The following RELN variants were observed in gnomAD, a reference collection of about 807,000 sequenced individuals.
RELN encodes the protein reelin.
A neutral mutation model predicts 427.6 loss-of-function variants in RELN; 108 were observed. The observed-to-expected ratio is 0.25, with a 90% CI of 0.22 to 0.30. The LOEUF (loss-of-function observed/expected upper bound fraction) is 0.30, where lower values mean the gene tolerates loss of function less well. Ranked by LOEUF, RELN falls within the 10% of genes least tolerant of loss-of-function variation. The pLI is 1.00. For synonymous variants in RELN, 1,524 were observed against 1,513.4 expected (o/e 1.01, Z -0.16); for missense variants, 3,715 against 4,302.8 (o/e 0.86, Z 3.82).
chr7:103,795,864 G>A (rs1267882212), intron 3 of RELN, among the ~76,000 whole-genome samples: 2 of 152,074 alleles, frequency 1.3e-5, no homozygotes, highest in African/African-American at 2.4e-5. Context: ...ACACAGCTAG[G>A]GCTCTTGTAA....
At chr7:103,850,585 C>A (rs191063935) in intron 2 of RELN, among the ~76,000 whole-genome samples, 10 of 152,060 alleles carry the variant, frequency 6.6e-5, no homozygotes, top group Non-Finnish European at 4.4e-5. Flanking sequence ...TTGAATGGGG[C>A]GAGAAGCCTC....
Position 103,472,393 on chromosome 7 carries a change from C to A in RELN, c.*419G>T. ...AAAGGACAAACAATGATAATTTAATCATATAAAACATGAGACATAGCCGAA... is the reference window on the plus strand; with the variant it reads ...AAAGGACAAACAATGATAATTTAATAATATAAAACATGAGACATAGCCGAA... On this transcript the variant is annotated 3_prime_UTR_variant, in exon 65 of 65. Transcript: ENST00000428762. 1 of 220,558 alleles carries A rather than the reference C, an allele frequency of 4.5e-6. No homozygotes were observed. Among genetic ancestry groups the A allele is most frequent in the Non-Finnish European group, 9.2e-6 (1 of 109,176 alleles). The allele number at this position is 220,558 out of a possible 1,614,324, so 13.7% of individuals were successfully genotyped here. A position where few individuals can be genotyped will look rare whatever the true frequency, so the allele number is the denominator to read the frequency against.
intron 56 of RELN, among the ~76,000 whole-genome samples, chr7:103,496,294 A>C (rs1318750292): frequency 1.3e-5 from 2 of 152,228 alleles, no homozygotes; most frequent in African/African-American, 4.8e-5. Flanking sequence ...AATTATATTT[A>C]AAGCCAGACA....
intron 2 of RELN, among the ~76,000 whole-genome samples, chr7:103,882,406 A>T (rs1298209508): frequency 6.6e-6 from 1 of 152,170 alleles, no homozygotes; most frequent in Non-Finnish European, 1.5e-5. Context: ...ATAATTATTT[A>T]TCTCCCTATC....
chr7:103,842,518 C>A (rs1010960253), intron 2 of RELN, among the ~76,000 whole-genome samples: 2 of 152,146 alleles, frequency 1.3e-5, no homozygotes, highest in Non-Finnish European at 2.9e-5. Context: ...TTCCTAAAAA[C>A]ACCCTTATTG....
chr7:103,522,838 G>GACACACACACACACACAC (rs57364287), intron 47 of RELN, among the ~76,000 whole-genome samples: 14 of 149,710 alleles, frequency 9.4e-5, no homozygotes, highest in Non-Finnish European at 1.9e-4. Context: ...CAGACACACA[G>GACACACACACACACACAC]ACACACACAC....
chr7:103,823,835 A>T (rs1584269942), intron 3 of RELN, among the ~76,000 whole-genome samples: 1 of 151,914 alleles, frequency 6.6e-6, no homozygotes, highest in Non-Finnish European at 1.5e-5. Flanking sequence ...ATCCTTTAAA[A>T]TTTTGCTTTA....
chr7:103,481,135 G>C (rs1264600397), intron 63 of RELN, among the ~76,000 whole-genome samples: 1 of 152,140 alleles, frequency 6.6e-6, no homozygotes, highest in Non-Finnish European at 1.5e-5. Context: ...TTTTACACTG[G>C]CTGGTATATT....
intron 27 of RELN, among the ~76,000 whole-genome samples, chr7:103,592,496 T>C (rs1051466267): frequency 2.0e-5 from 3 of 152,204 alleles, no homozygotes; most frequent in African/African-American, 7.2e-5. Context: ...AACATACACA[T>C]GCATGTGTCT....
chr7:103,846,343 A>T (rs1441060172), intron 2 of RELN, among the ~76,000 whole-genome samples: 1 of 152,224 alleles, frequency 6.6e-6, no homozygotes, highest in Non-Finnish European at 1.5e-5. Flanking sequence ...TCCCTACTTA[A>T]TAAATGATGT....
intron 2 of RELN, among the ~76,000 whole-genome samples, chr7:103,853,966 G>A (rs1361720969): frequency 1.3e-5 from 2 of 151,990 alleles, no homozygotes; most frequent in African/African-American, 4.8e-5. Context: ...GCTAGAAGAA[G>A]GGATTTTGAA....
intron 3 of RELN, among the ~76,000 whole-genome samples, chr7:103,778,200 C>T (rs1191414165): frequency 6.6e-6 from 1 of 152,150 alleles, no homozygotes; most frequent in Non-Finnish European, 1.5e-5. Context: ...GCTCTCTAAT[C>T]AGTACAGATT....
chr7:103,731,171 G>T (rs1345081212), intron 6 of RELN, among the ~76,000 whole-genome samples: 1 of 152,104 alleles, frequency 6.6e-6, no homozygotes, highest in Non-Finnish European at 1.5e-5. Context: ...CAGAGACTGG[G>T]GAAGTAAGAG....
chr7:103,924,908 G>A (rs1421712653), intron 1 of RELN, among the ~76,000 whole-genome samples: 1 of 151,298 alleles, frequency 6.6e-6, no homozygotes, highest in East Asian at 1.9e-4. Flanking sequence ...CCTCTACATT[G>A]CCTTTCCTCT....
At chr7:103,732,555 A>C (rs1354749379) in intron 6 of RELN, among the ~76,000 whole-genome samples, 2 of 152,164 alleles carry the variant, frequency 1.3e-5, no homozygotes, top group African/African-American at 2.4e-5. Context: ...AGACAAGGCA[A>C]GACCGTACAG....
chr7:103,889,286 C>G (rs1315052230), intron 2 of RELN, among the ~76,000 whole-genome samples: 1 of 152,204 alleles, frequency 6.6e-6, no homozygotes, highest in Non-Finnish European at 1.5e-5. Flanking sequence ...TTGCTGGCAG[C>G]TCCTGAGCTA....
chr7:103,682,693 C>T (rs1190668845), intron 10 of RELN, among the ~76,000 whole-genome samples: 2 of 152,142 alleles, frequency 1.3e-5, no homozygotes, highest in African/African-American at 4.8e-5. Context: ...CACAATTTAT[C>T]TGTAAATGGA....
chr7:103,807,015 G>A (rs567831957), intron 3 of RELN, among the ~76,000 whole-genome samples: 1 of 152,258 alleles, frequency 6.6e-6, no homozygotes, highest in African/African-American at 2.4e-5. Context: ...GACAATTACA[G>A]TGGAATGTGG....
chr7:103,792,825 G>A (rs1025742229), intron 3 of RELN, among the ~76,000 whole-genome samples: 1 of 151,986 alleles, frequency 6.6e-6, no homozygotes, highest in Non-Finnish European at 1.5e-5. Context: ...AAATAAAATG[G>A]AAATATATTC....
Sources: gnomAD v4.1 joint callset for allele counts (sites outside exome capture counted in the v4.1 genomes callset) on GRCh38, gnomAD v4.1.1 for gene constraint, MANE v1.5 for transcripts, NCBI Gene and HGNC (gene_info 2026-07-23, HGNC 2026-07-21) for gene names.